The following EPS8 variants were observed in gnomAD, a reference collection of about 807,000 sequenced individuals.
EPS8 encodes the protein epidermal growth factor receptor kinase substrate 8.
In EPS8, 42 loss-of-function variants were observed where a neutral mutation model predicts 103.8. The ratio of observed to expected loss-of-function variants is 0.40; its 90% CI spans 0.32 to 0.52. The LOEUF (loss-of-function observed/expected upper bound fraction) is 0.52, where lower values mean the gene tolerates loss of function less well. Ranked by LOEUF, EPS8 falls within the 20% of genes least tolerant of loss-of-function variation. EPS8 has a pLI of 0.40. For missense variants in EPS8, 969 were observed against 1,005.1 expected (o/e 0.96, Z 0.49); for synonymous variants, 344 against 344.6 (o/e 1.00, Z 0.02).
rs1362474017 is a variant in EPS8 at position 15,762,492 on chromosome 12, T to G, written c.-22+26669A>C. Among the ~76,000 whole-genome samples, 3 of 152,204 alleles carry G rather than the reference T, an allele frequency of 2.0e-5. No individual in the cohort carries two copies. Among genetic ancestry groups the G allele is most frequent in the Admixed American group, 1.3e-4 (2 of 15,282 alleles). ...AAAGGGATATCTGCACTCCCATATTTGTTGCAGCACTGTTTACAATCACCA... is the reference window on the plus strand; with the variant it reads ...AAAGGGATATCTGCACTCCCATATTGGTTGCAGCACTGTTTACAATCACCA... On this transcript the variant is annotated intron_variant, in intron 1 of 20. Coordinates refer to ENST00000281172, the MANE Select transcript of EPS8 (RefSeq NM_004447.6). The surrounding 1 kb of genome is among the most constrained non-coding windows in gnomAD (Gnocchi z 4.8).
chr12:15,651,018 A>T lies in EPS8; in HGVS notation c.1251-12T>A. ...TTGGCCACTCTGCTCTGCAGGAGGG[A>T]ATGAAGGCATATAAACAATAAAATC... is the stretch of plus-strand genomic sequence containing the variant. On this transcript the variant is annotated splice_polypyrimidine_tract_variant and intron_variant, in intron 13 of 20. Transcript: ENST00000281172. The T allele has an allele frequency of 6.2e-7, 1 of 1,607,126 alleles. No homozygotes were observed. The highest frequency in any genetic ancestry group is 8.5e-7 in the Non-Finnish European group (1 of 1,176,368).
At chr12:15,647,886 G>A (rs1945347068) in intron 14 of EPS8, among the ~76,000 whole-genome samples, 2 of 152,190 alleles carry the variant, frequency 1.3e-5, no homozygotes, top group African/African-American at 4.8e-5. Flanking sequence ...TTCATGGAAG[G>A]CAATTTTTCC....
chr12:15,631,339 G>A lies in EPS8; in HGVS notation c.2044+103C>T, dbSNP rs554267133. 84 of 1,513,704 alleles carry A rather than the reference G, an allele frequency of 5.5e-5. 1 individual carries two copies. The highest frequency in any genetic ancestry group is 2.3e-4 in the Middle Eastern group (1 of 4,262). 93.8% of individuals were successfully genotyped at this position (1,513,704 alleles called of 1,614,324 possible). A position where few individuals can be genotyped will look rare whatever the true frequency, so the allele number is the denominator to read the frequency against. ...TTGCAATCTATTAAGTACCATGCAA[G>A]TATAAAGGACTTTAATACAAGTAGA... On this transcript the variant is annotated intron_variant, in intron 18 of 20. Coordinates refer to ENST00000281172, the MANE Select transcript of EPS8 (RefSeq NM_004447.6).
chr12:15,655,008 AT>A (rs1369358792), intron 12 of EPS8, among the ~76,000 whole-genome samples: 1 of 152,176 alleles, frequency 6.6e-6, no homozygotes, highest in East Asian at 1.9e-4. Context: ...AATGGTAGTT[AT>A]CTCCTAGAGC....
intron 13 of EPS8, among the ~76,000 whole-genome samples, chr12:15,653,460 G>A (rs2135793094): frequency 6.6e-6 from 1 of 152,102 alleles, no homozygotes; most frequent in Non-Finnish European, 1.5e-5. Context: ...ACAATGATCT[G>A]CTACCCGAAG....
chr12:15,665,769 G>T lies in EPS8; in HGVS notation c.723C>A (p.Ala241=). The part of the protein sequence containing the change: ...SRVAAWSAWA[A]DQGDFEKPRQ... ...AGGAAGACTCACAGTCCCCTTGGTC[G>T]GCTGCCCATGCAGACCAGGCTGCCA... Residue 241 remains alanine, a synonymous_variant, in exon 8 of 21, where the codon GCC becomes GCA. Coordinates refer to ENST00000281172, the MANE Select transcript of EPS8 (RefSeq NM_004447.6). The T allele has an allele frequency of 1.2e-6, 2 of 1,613,520 alleles. No homozygotes were observed. The highest frequency in any genetic ancestry group is 1.7e-6 in the Non-Finnish European group (2 of 1,179,796).
Position 15,738,245 on chromosome 12 carries a change from T to C in EPS8, c.-22+50916A>G, listed in dbSNP as rs967599523. Among the ~76,000 whole-genome samples, 8 of 152,148 alleles carry C rather than the reference T, an allele frequency of 5.3e-5. No homozygotes were observed. The highest frequency in any genetic ancestry group is 2.9e-5 in the Non-Finnish European group (2 of 67,994). On this transcript the variant is annotated intron_variant, in intron 1 of 20. Coordinates refer to ENST00000281172, the MANE Select transcript of EPS8 (RefSeq NM_004447.6). The surrounding 1 kb of genome is among the most constrained non-coding windows in gnomAD (Gnocchi z 6.2). Reference sequence around the variant, plus strand: ...AACTGCCAGCTATATTTCCCATAGATGTAAATGATCATTTAGAAACACACC... The same window carrying C: ...AACTGCCAGCTATATTTCCCATAGACGTAAATGATCATTTAGAAACACACC...
At position 15,654,133 on chromosome 12, in the gene EPS8, G is replaced by A. The variant is rs771684293; in HGVS notation, c.1250+12C>T. ...AATGGTACTTAAGGCATTATAGGTG[G>A]TAAATGCTTACCTGGCTTTCATCCA... On this transcript the variant is annotated intron_variant, in intron 13 of 20. Transcript: ENST00000281172. 1 of 1,611,970 alleles carries A rather than the reference G, an allele frequency of 6.2e-7. No individual in the cohort carries two copies. The highest frequency in any genetic ancestry group is 2.2e-5 in the East Asian group (1 of 44,840).
rs78124818 is a variant in EPS8 at position 15,693,908 on chromosome 12, A to C, written c.-21-10936T>G. The stretch of plus-strand genomic sequence containing the variant: ...AGGCCTGTCAGATGGAGGTGGGGCA[A>C]GAGGAGGGAGAGCATCAGGACAAAT... On this transcript the variant is annotated intron_variant, in intron 1 of 20. Coordinates refer to ENST00000281172, the MANE Select transcript of EPS8 (RefSeq NM_004447.6). The surrounding 1 kb of genome is among the most constrained non-coding windows in gnomAD (Gnocchi z 5.6). Among the ~76,000 whole-genome samples the C allele has an allele frequency of 9.7e-3, 1,481 of 152,282 alleles. 26 individuals carry two copies. Among genetic ancestry groups the C allele is most frequent in the African/African-American group, 0.033 (1,382 of 41,562 alleles).
In EPS8 at chr12:15,695,308, G is replaced by A. The variant is rs1021156522; in HGVS notation, c.-21-12336C>T. 1.3e-5 allele frequency among the ~76,000 whole-genome samples: 2 copies of A among 152,174 alleles called. No individual in the cohort carries two copies. The highest frequency in any genetic ancestry group is 2.9e-5 in the Non-Finnish European group (2 of 68,042). ...ATTCATTCAACATTAATTGGCACCTGCCAATCTGAGTACTACTTCATTCAT... is the reference window on the plus strand; with the variant it reads ...ATTCATTCAACATTAATTGGCACCTACCAATCTGAGTACTACTTCATTCAT... On this transcript the variant is annotated intron_variant, in intron 1 of 20. Transcript: ENST00000281172. The surrounding 1 kb of genome is among the most constrained non-coding windows in gnomAD (Gnocchi z 5.0).
intron 18 of EPS8, among the ~76,000 whole-genome samples, chr12:15,628,347 C>T (rs1339024070): frequency 6.6e-6 from 1 of 152,144 alleles, no homozygotes; most frequent in Non-Finnish European, 1.5e-5. Flanking sequence ...TAGTTTTCTT[C>T]CAGGAAGGAC....
chr12:15,677,439 T>C (rs1327376833), intron 3 of EPS8, among the ~76,000 whole-genome samples: 1 of 152,144 alleles, frequency 6.6e-6, no homozygotes, highest in African/African-American at 2.4e-5. Context: ...TGAAAAACTC[T>C]GCATGAAACT....
rs1010928298 is a variant in EPS8, at chr12:15,757,056, G to C, written c.-22+32105C>G. Among the ~76,000 whole-genome samples, 1 of 152,124 alleles carries C rather than the reference G, an allele frequency of 6.6e-6. No individual in the cohort carries two copies. The highest frequency in any genetic ancestry group is 1.5e-5 in the Non-Finnish European group (1 of 68,020). The stretch of plus-strand genomic sequence containing the variant: ...CACCCCTTAAATGCCATTCATGTTA[G>C]TTTTCATCCATAAGCTCCAAGTGGA... On this transcript the variant is annotated intron_variant, in intron 1 of 20. Transcript: ENST00000281172. This position sits in a 1 kb window ranked among gnomAD's most constrained non-coding sequence, Gnocchi z 4.1.
chr12:15,653,474 A>G (rs1168731708), intron 13 of EPS8, among the ~76,000 whole-genome samples: 2 of 152,154 alleles, frequency 1.3e-5, no homozygotes, highest in African/African-American at 2.4e-5. Flanking sequence ...CCCGAAGTCC[A>G]TATTCCAGAG....
chr12:15,746,601 T>C (rs10772874), intron 1 of EPS8, among the ~76,000 whole-genome samples: 80,921 of 152,004 alleles, frequency 0.53, 26,184 homozygotes, highest in East Asian at 0.82. Flanking sequence ...AGAACCAACA[T>C]TGGCAACACA....
chr12:15,658,559 GT>G lies in EPS8; in HGVS notation c.963del (p.Lys321AsnfsTer25). 6.2e-7 allele frequency: 1 copy of G among 1,613,140 alleles called. No homozygotes were observed. Among genetic ancestry groups the G allele is most frequent in the Non-Finnish European group, 8.5e-7 (1 of 1,179,284 alleles). ...TCAAGAAATTCATCAGGAGGTGGAG[GT>G]TTTGCCCGCAGCGTTAAAACACCCT... ...PGEGVLTLRA[K>X]PPPPDEFLDC... On this transcript the variant is annotated frameshift_variant, in exon 11 of 21. Transcript: ENST00000281172. LOFTEE classifies it high-confidence loss of function.
rs1388602391 is a variant in EPS8 at position 15,761,706 on chromosome 12, T to C, written c.-22+27455A>G. ...GGGAAAAGACAGACTCTTCAATAAATGGCGCTGGGAAAACTGGATATCCAT... is the reference window on the plus strand; with the variant it reads ...GGGAAAAGACAGACTCTTCAATAAACGGCGCTGGGAAAACTGGATATCCAT... On this transcript the variant is annotated intron_variant, in intron 1 of 20. Transcript: ENST00000281172. This position sits in a 1 kb window ranked among gnomAD's most constrained non-coding sequence, Gnocchi z 4.5. 1.3e-5 allele frequency among the ~76,000 whole-genome samples: 2 copies of C among 152,028 alleles called. No homozygotes were observed. Among genetic ancestry groups the C allele is most frequent in the African/African-American group, 4.8e-5 (2 of 41,418 alleles).
Position 15,771,633 on chromosome 12 carries a change from G to A in EPS8, c.-22+17528C>T, listed in dbSNP as rs944141297. ...GCAGGTAAAGGAGAAGGGGGGTCAT[G>A]GATGTGTTCTTCTAATGGGCTAGAA... is the stretch of plus-strand genomic sequence containing the variant. On this transcript the variant is annotated intron_variant, in intron 1 of 20. Transcript: ENST00000281172. The surrounding 1 kb of genome is among the most constrained non-coding windows in gnomAD (Gnocchi z 4.6). Among the ~76,000 whole-genome samples the A allele has an allele frequency of 2.6e-4, 39 of 152,018 alleles. No individual in the cohort carries two copies. Among genetic ancestry groups the A allele is most frequent in the African/African-American group, 9.4e-4 (39 of 41,378 alleles).
chr12:15,626,113 C>A (rs1944940819), intron 18 of EPS8, among the ~76,000 whole-genome samples: 1 of 152,128 alleles, frequency 6.6e-6, no homozygotes, highest in African/African-American at 2.4e-5. Context: ...TGGCAAAATA[C>A]CACGGAGCTG....
Sources: allele counts gnomAD v4.1 joint callset (sites outside exome capture counted in the v4.1 genomes callset), GRCh38; gene constraint gnomAD v4.1.1; non-coding constraint Gnocchi (gnomAD v3.1); transcripts MANE v1.5; gene names NCBI Gene and HGNC (gene_info 2026-07-23, HGNC 2026-07-21).